Variants in PKP4 observed in about 807,000 individuals in gnomAD.
The protein encoded by PKP4 is plakophilin 4.
Under a neutral mutation model 145.1 loss-of-function variants are expected in PKP4, and 90 were observed. The observed-to-expected ratio is 0.62, with a 90% confidence interval of 0.52 to 0.74. PKP4 has a LOEUF of 0.74. Among genes scored for constraint, PKP4 ranks in the 30% least tolerant of loss-of-function variants. PKP4 has a pLI of 0.00. For missense variants in PKP4, 1,340 were observed against 1,482.7 expected, an observed-to-expected ratio of 0.90 and a Z score of 1.58; for synonymous variants, 563 against 577.2, an observed-to-expected ratio of 0.98 and a Z score of 0.35.
At chr2:158,585,039 C>T (rs2048685492) in intron 3 of PKP4, among the ~76,000 whole-genome samples, 1 of 151,964 alleles carries the variant, frequency 6.6e-6, no homozygotes, top group Non-Finnish European at 1.5e-5. Flanking sequence ...AAAATTGGGC[C>T]TTTTAATAAT....
rs1469788510 is a variant in PKP4 at position 158,567,668 on chromosome 2, T to TA, written c.133-9599dup. ...AGCCTGGAGCCCAGTAAACCTTTTG[T>TA]AAAACATAGAGATTATTGGTGAGTA... On this transcript the variant is annotated intron_variant, in intron 2 of 21. Transcript: ENST00000389759. Among the ~76,000 whole-genome samples, 5 of 152,170 alleles carry TA rather than the reference T, an allele frequency of 3.3e-5. No homozygotes were observed. The East Asian group carries it at 9.6e-4, about 29-fold the overall frequency.
chr2:158,583,176 C>T (rs537909271), intron 3 of PKP4, among the ~76,000 whole-genome samples: 3 of 152,274 alleles, frequency 2.0e-5, no homozygotes, highest in South Asian at 2.1e-4. Context: ...GAGCATGGGA[C>T]TTGTTCTTTT....
intron 1 of PKP4, among the ~76,000 whole-genome samples, chr2:158,502,178 C>T (rs995307913): frequency 6.6e-5 from 10 of 152,004 alleles, no homozygotes; most frequent in Non-Finnish European, 1.5e-4. Flanking sequence ...TTTTCATGAT[C>T]ATGAAATCCC....
chr2:158,523,821 A>G (rs960925535), intron 1 of PKP4, among the ~76,000 whole-genome samples: 3 of 134,514 alleles, frequency 2.2e-5, no homozygotes, highest in African/African-American at 8.8e-5. Flanking sequence ...AGGCTCGAGA[A>G]CTACGTGAAG....
intron 1 of PKP4, among the ~76,000 whole-genome samples, chr2:158,502,020 A>G (rs186721745): frequency 6.6e-6 from 1 of 152,320 alleles, no homozygotes; most frequent in Admixed American, 6.5e-5. Flanking sequence ...GATGCTTACA[A>G]CATTATTGAA....
intron 12 of PKP4, 86 bp downstream of exon 12, chr2:158,658,400 T>A: frequency 1.3e-6 from 1 of 796,548 alleles, no homozygotes; most frequent in Non-Finnish European, 2.0e-6. Context: ...CTTACTTTAT[T>A]AACATCTATC....
chr2:158,586,610 C>T (rs719932), intron 3 of PKP4, among the ~76,000 whole-genome samples: 108,191 of 152,064 alleles, frequency 0.71, 39,815 homozygotes, highest in Non-Finnish European at 0.8. Flanking sequence ...GATGCTCTTA[C>T]GAGCAAATTT....
At chr2:158,555,608 T>C (rs1004703818) in intron 2 of PKP4, among the ~76,000 whole-genome samples, 5 of 152,246 alleles carry the variant, frequency 3.3e-5, no homozygotes, top group Admixed American at 6.5e-5. Flanking sequence ...GGGAAATGTT[T>C]GTTAAATGTC....
chr2:158,616,405 C>A (rs137962474), intron 4 of PKP4, among the ~76,000 whole-genome samples: 1 of 152,284 alleles, frequency 6.6e-6, no homozygotes, highest in African/African-American at 2.4e-5. Flanking sequence ...CTTCGTAAGC[C>A]TGTGGTCCTA....
At chr2:158,598,063 A>G (rs2049915058) in intron 3 of PKP4, among the ~76,000 whole-genome samples, 2 of 152,098 alleles carry the variant, frequency 1.3e-5, no homozygotes, top group South Asian at 4.2e-4. Context: ...TGGGCTAAGC[A>G]ATCCTCCCAC....
chr2:158,642,343 A>C (rs889050000), intron 10 of PKP4, 143 bp from the exon 11 acceptor site: 1 of 613,920 alleles, frequency 1.6e-6, no homozygotes, highest in Admixed American at 3.1e-5. Context: ...AATGTATAAA[A>C]GTTGTCTTAT....
intron 4 of PKP4, among the ~76,000 whole-genome samples, chr2:158,614,538 A>C (rs1047919973): frequency 4.6e-5 from 7 of 152,194 alleles, no homozygotes; most frequent in Non-Finnish European, 2.9e-5. Context: ...AATTACCTAT[A>C]TTATACAGAA....
chr2:158,526,253 G>A lies in PKP4; in HGVS notation c.-5-6927G>A, dbSNP rs934513892. 9.2e-3 allele frequency among the ~76,000 whole-genome samples: 1,156 copies of A among 125,168 alleles called. 37 individuals are homozygous for A. The highest frequency in any genetic ancestry group is 0.032 in the African/African-American group (1,069 of 33,010). The allele number at this position is 125,168 out of a possible 152,430, so 82.1% of individuals were successfully genotyped here. On this transcript the variant is annotated intron_variant, in intron 1 of 21. Coordinates refer to ENST00000389759, the MANE Select transcript of PKP4 (RefSeq NM_003628.6). ...ATCCTCAATAAAATACTGGCAAAAC[G>A]AATCCAGCAGCACATCAAAAAGCTA...
At chr2:158,623,112 CAT>C (rs755629319) in intron 6 of PKP4, among the ~76,000 whole-genome samples, 1 of 152,118 alleles carries the variant, frequency 6.6e-6, no homozygotes, top group African/African-American at 2.4e-5. Flanking sequence ...AGTTGCAAGT[CAT>C]GTGGGATTTT....
At chr2:158,529,008 C>A (rs929119528) in intron 1 of PKP4, among the ~76,000 whole-genome samples, 14 of 152,176 alleles carry the variant, frequency 9.2e-5, no homozygotes, top group African/African-American at 3.4e-4. Context: ...TTAGAGTTTC[C>A]TGTCTCTGCC....
chr2:158,657,513 A>G (rs1334338710), intron 11 of PKP4, among the ~76,000 whole-genome samples: 1 of 152,248 alleles, frequency 6.6e-6, no homozygotes, highest in African/African-American at 2.4e-5. Flanking sequence ...AACTCTTAAA[A>G]TTGAGATAGA....
intron 1 of PKP4, among the ~76,000 whole-genome samples, chr2:158,482,119 A>G (rs1047751428): frequency 6.6e-6 from 1 of 152,236 alleles, no homozygotes; most frequent in Non-Finnish European, 1.5e-5. Flanking sequence ...ATTAAAATAA[A>G]GAGTTCAGTT....
Position 158,577,595 on chromosome 2 carries a change from T to G in PKP4, c.245+212T>G, listed in dbSNP as rs542884072. Among the ~76,000 whole-genome samples the G allele has an allele frequency of 4.6e-5, 7 of 152,348 alleles. No individual in the cohort carries two copies. The South Asian group carries it at 1.2e-3, about 27-fold the overall frequency. On this transcript the variant is annotated intron_variant, in intron 3 of 21. Transcript: ENST00000389759. ...ATGTTTTCTATAGCATTGGCAAGCT[T>G]CTGTAGCAAAAGCTACTGTGCTGCC...
intron 1 of PKP4, among the ~76,000 whole-genome samples, chr2:158,477,908 C>T (rs1692742500): frequency 2.0e-5 from 3 of 152,166 alleles, no homozygotes; most frequent in South Asian, 4.1e-4. Flanking sequence ...TATAGACCAG[C>T]TTCTGAGGTA....
Sources: allele counts gnomAD v4.1 joint callset (sites outside exome capture counted in the v4.1 genomes callset), GRCh38; gene constraint gnomAD v4.1.1; transcripts MANE v1.5; gene names NCBI Gene and HGNC (gene_info 2026-07-23, HGNC 2026-07-21).